Variants in ADGRB3 observed in about 807,000 individuals in gnomAD.
ADGRB3 encodes adhesion G protein-coupled receptor B3.
In ADGRB3, 37 loss-of-function variants were observed where a neutral mutation model predicts 193.4. The ratio of observed to expected loss-of-function variants is 0.19; its 90% CI spans 0.15 to 0.25. ADGRB3 has a LOEUF of 0.25. Ranked by LOEUF, ADGRB3 falls within the 10% of genes least tolerant of loss-of-function variation. The pLI is 1.00. For missense variants in ADGRB3, 1,637 were observed against 1,852.9 expected (o/e 0.88, Z 2.14); for synonymous variants, 690 against 644.2 (o/e 1.07, Z -1.08).
chr6:68,861,011 T>C (rs1765137568), intron 3 of ADGRB3, among the ~76,000 whole-genome samples: 1 of 152,164 alleles, frequency 6.6e-6, no homozygotes, highest in African/African-American at 2.4e-5. Flanking sequence ...TTTAAACTCA[T>C]CGATCTATCT....
At chr6:69,171,574 C>T (rs1475826653) in intron 17 of ADGRB3, among the ~76,000 whole-genome samples, 1 of 152,128 alleles carries the variant, frequency 6.6e-6, no homozygotes, top group African/African-American at 2.4e-5. Context: ...GTTGTTGATT[C>T]TGTTATGATC....
At position 68,993,860 on chromosome 6, in the gene ADGRB3, A is replaced by C; in HGVS notation, c.1827A>C (p.Lys609Asn). The change falls in exon 11 of 32, where the codon AAA becomes AAC. Residue 609 changes from lysine (K) to asparagine (N), a missense_variant. Around this residue, in one of 7 missense-constraint regions of ADGRB3, gnomAD observed 641 missense variants for 673.9 expected, o/e 0.95. Transcript: ENST00000370598. The part of the protein sequence containing the change: ...TKTLLDLTQR[K>N]NFYAGDLLMS... The stretch of plus-strand genomic sequence containing the variant: ...CACTGTTGGATTTAACTCAGAGAAA[A>C]AATTTCTATGCAGGCGATCTTCTGA... 1 of 1,614,002 alleles carries C rather than the reference A, an allele frequency of 6.2e-7. No homozygotes were observed. Among genetic ancestry groups the C allele is most frequent in the East Asian group, 2.2e-5 (1 of 44,878 alleles).
At position 69,064,746 on chromosome 6, in the gene ADGRB3, C is replaced by T. The variant is rs184590661; in HGVS notation, c.2436+1710C>T. Among the ~76,000 whole-genome samples, 7 of 151,844 alleles carry T rather than the reference C, an allele frequency of 4.6e-5. No individual in the cohort carries two copies. In the East Asian group the frequency reaches 5.8e-4, roughly 13 times the overall value. On this transcript the variant is annotated intron_variant, in intron 16 of 31. Coordinates refer to ENST00000370598, the MANE Select transcript of ADGRB3 (RefSeq NM_001704.3). Reference sequence around the variant, plus strand: ...AGAGAACAGTTGTGCAAATGAATCACGAGACTTTGATAAAGATGAAATCAT... The same window carrying T: ...AGAGAACAGTTGTGCAAATGAATCATGAGACTTTGATAAAGATGAAATCAT...
intron 3 of ADGRB3, among the ~76,000 whole-genome samples, chr6:68,713,550 A>G (rs1463300518): frequency 2.0e-5 from 3 of 151,800 alleles, no homozygotes; most frequent in Admixed American, 1.3e-4. Context: ...TGGAACTTTC[A>G]TAACTCTATC....
At chr6:68,913,236 C>A (rs1266698613) in intron 3 of ADGRB3, among the ~76,000 whole-genome samples, 1 of 152,188 alleles carries the variant, frequency 6.6e-6, no homozygotes, top group African/African-American at 2.4e-5. Flanking sequence ...GGGCAGACTG[C>A]CTCCTCAAGT....
rs368219587 is a variant in ADGRB3, at chr6:68,638,928, C to T, written c.253C>T (p.Leu85Phe). 3.1e-6 allele frequency: 5 copies of T among 1,614,020 alleles called. No homozygotes were observed. The highest frequency in any genetic ancestry group is 4.2e-6 in the Non-Finnish European group (5 of 1,180,032). The change falls in exon 3 of 32, where the codon CTC becomes TTC. Residue 85 changes from leucine (L) to phenylalanine (F), a missense_variant. Leu to Phe is a conservative substitution (Grantham distance 22). This residue lies in a region of ADGRB3 where 365 missense variants were observed against 409.8 expected (regional missense o/e 0.89). Transcript: ENST00000370598. The stretch of plus-strand genomic sequence containing the variant: ...GGACCTTAGCTGCTCTAACTTTTCA[C>T]TCCTGGCTTATCAGTTTGATCATTT... Reference protein sequence around the residue: ...KKDLSCSNFSLLAYQFDHFSH... With the variant: ...KKDLSCSNFSFLAYQFDHFSH...
chr6:68,816,669 TAG>T (rs1417280142), intron 3 of ADGRB3, among the ~76,000 whole-genome samples: 1 of 152,036 alleles, frequency 6.6e-6, no homozygotes, highest in Admixed American at 6.6e-5. Context: ...TCTAATACAC[TAG>T]ATGTTTGATT....
At chr6:69,287,300 CA>C (rs1442928508) in intron 20 of ADGRB3, among the ~76,000 whole-genome samples, 1 of 152,064 alleles carries the variant, frequency 6.6e-6, no homozygotes, top group African/African-American at 2.4e-5. Context: ...AAAGTGATAG[CA>C]AAATCTCTTC....
At chr6:68,897,180 G>T (rs566727847) in intron 3 of ADGRB3, among the ~76,000 whole-genome samples, 1 of 151,762 alleles carries the variant, frequency 6.6e-6, no homozygotes, top group South Asian at 2.1e-4. Flanking sequence ...AACACTTCAG[G>T]TTTTATTTGT....
At chr6:69,319,091 C>T (rs1421711906) in intron 20 of ADGRB3, among the ~76,000 whole-genome samples, 1 of 150,656 alleles carries the variant, frequency 6.6e-6, no homozygotes, top group Non-Finnish European at 1.5e-5. Context: ...TTTAAGTAGC[C>T]CACTAATTTT....
At chr6:68,732,710 A>G (rs1403980852) in intron 3 of ADGRB3, among the ~76,000 whole-genome samples, 1 of 151,940 alleles carries the variant, frequency 6.6e-6, no homozygotes, top group South Asian at 2.1e-4. Context: ...TGTGTAGCAG[A>G]ATCTTTGTGA....
chr6:68,719,557 G>A (rs1412367511), intron 3 of ADGRB3, among the ~76,000 whole-genome samples: 1 of 151,742 alleles, frequency 6.6e-6, no homozygotes, highest in Non-Finnish European at 1.5e-5. Context: ...TTAATTAACA[G>A]TTACACATTG....
chr6:69,281,606 G>T (rs1011305672), intron 20 of ADGRB3, among the ~76,000 whole-genome samples: 4 of 152,120 alleles, frequency 2.6e-5, no homozygotes, highest in Admixed American at 2.6e-4. Context: ...AGCCTACATT[G>T]CTCTAAGTTC....
chr6:68,844,808 T>C (rs1376750058), intron 3 of ADGRB3, among the ~76,000 whole-genome samples: 1 of 152,188 alleles, frequency 6.6e-6, no homozygotes, highest in South Asian at 2.1e-4. Flanking sequence ...TGAGACGATG[T>C]CATTTGCAAC....
At chr6:69,320,478 A>G (rs1417403873) in intron 20 of ADGRB3, among the ~76,000 whole-genome samples, 1 of 151,204 alleles carries the variant, frequency 6.6e-6, no homozygotes, top group Non-Finnish European at 1.5e-5. Context: ...TGGACTTCTT[A>G]TTGTTAGTGG....
At chr6:69,282,114 G>A (rs979024979) in intron 20 of ADGRB3, among the ~76,000 whole-genome samples, 1 of 152,088 alleles carries the variant, frequency 6.6e-6, no homozygotes, top group East Asian at 1.9e-4. Context: ...TCTCTCAGGG[G>A]GTTTTGCTTC....
intron 17 of ADGRB3, among the ~76,000 whole-genome samples, chr6:69,230,250 T>C (rs996395586): frequency 6.6e-6 from 1 of 152,230 alleles, no homozygotes; most frequent in Non-Finnish European, 1.5e-5. Context: ...TTAATTTTCA[T>C]GTATATTTCA....
At chr6:68,953,909 C>T (rs1767999503) in intron 6 of ADGRB3, among the ~76,000 whole-genome samples, 2 of 152,204 alleles carry the variant, frequency 1.3e-5, no homozygotes, top group South Asian at 4.1e-4. Flanking sequence ...AATTCTCTTT[C>T]ACCTGTGATC....
intron 17 of ADGRB3, among the ~76,000 whole-genome samples, chr6:69,114,690 G>T (rs911797426): frequency 2.1e-5 from 3 of 141,688 alleles, no homozygotes; most frequent in Non-Finnish European, 3.1e-5. Context: ...TTTTGTATAA[G>T]TTGTAAGGGA....
Sources: gnomAD v4.1 joint callset for allele counts (sites outside exome capture counted in the v4.1 genomes callset) on GRCh38, gnomAD v4.1.1 for gene constraint, gnomAD v4.1.1 regional missense constraint, MANE v1.5 for transcripts, NCBI Gene and HGNC (gene_info 2026-07-23, HGNC 2026-07-21) for gene names.